Variants in DACH1 observed in about 807,000 individuals in gnomAD.
The protein encoded by DACH1 is dachshund family transcription factor 1.
A neutral mutation model predicts 54.2 loss-of-function variants in DACH1; 12 were observed. The ratio of observed to expected loss-of-function variants is 0.22; its 90% CI spans 0.14 to 0.36. DACH1 has a LOEUF of 0.36. Among genes scored for constraint, DACH1 ranks in the 10% least tolerant of loss-of-function variants. DACH1 has a pLI of 1.00. For missense variants in DACH1, 805 were observed against 929.8 expected, an observed-to-expected ratio of 0.87 and a Z score of 1.75; for synonymous variants, 386 against 366.2, an observed-to-expected ratio of 1.05 and a Z score of -0.62.
intron 1 of DACH1, among the ~76,000 whole-genome samples, chr13:71,763,004 A>G (rs1339238467): frequency 6.6e-6 from 1 of 152,144 alleles, no homozygotes; most frequent in African/African-American, 2.4e-5. Flanking sequence ...ATGACACCAT[A>G]TATTGGAATA....
rs772044850 is a variant in DACH1 at position 71,470,248 on chromosome 13, C to T, written c.2083+4893G>A. Among the ~76,000 whole-genome samples, 6 of 151,612 alleles carry T rather than the reference C, an allele frequency of 4.0e-5. No individual in the cohort carries two copies. The South Asian group carries it at 1.2e-3, about 31-fold the overall frequency. Reference sequence around the variant, plus strand: ...GTTAAAAATGCAAACGAAGAATAAACACATCCTGTTAATTCAGCTATTGCA... The same window carrying T: ...GTTAAAAATGCAAACGAAGAATAAATACATCCTGTTAATTCAGCTATTGCA... On this transcript the variant is annotated intron_variant, in intron 10 of 10. Transcript: ENST00000613252.
chr13:71,473,805 C>T (rs960481825), intron 10 of DACH1, among the ~76,000 whole-genome samples: 17 of 152,048 alleles, frequency 1.1e-4, no homozygotes, highest in African/African-American at 3.6e-4. Context: ...TTATCTAATG[C>T]GTGAATAGCC....
intron 3 of DACH1, among the ~76,000 whole-genome samples, chr13:71,612,546 A>C (rs1370224024): frequency 2.6e-5 from 4 of 152,174 alleles, no homozygotes; most frequent in African/African-American, 9.7e-5. Context: ...GAGTCCAAAC[A>C]GTAGACCCTG....
At chr13:71,614,217 T>C (rs1020554713) in intron 3 of DACH1, among the ~76,000 whole-genome samples, 3 of 152,170 alleles carry the variant, frequency 2.0e-5, no homozygotes, top group Non-Finnish European at 4.4e-5. Context: ...AATTTAACCA[T>C]TGGACTGCAT....
At chr13:71,684,796 T>C (rs1219408809) in intron 1 of DACH1, among the ~76,000 whole-genome samples, 1 of 152,136 alleles carries the variant, frequency 6.6e-6, no homozygotes, top group Non-Finnish European at 1.5e-5. Flanking sequence ...ATAATAATAA[T>C]AACCCTATTC....
chr13:71,848,710 G>T (rs773268598), intron 1 of DACH1, among the ~76,000 whole-genome samples: 10 of 151,876 alleles, frequency 6.6e-5, no homozygotes, highest in Non-Finnish European at 1.3e-4. Flanking sequence ...TTGTACAGAT[G>T]GGGGGGTTCT....
intron 3 of DACH1, among the ~76,000 whole-genome samples, chr13:71,608,753 C>G (rs903219759): frequency 1.3e-5 from 2 of 152,022 alleles, no homozygotes; most frequent in African/African-American, 4.8e-5. Flanking sequence ...TTGAGTATGG[C>G]AAATTCATTC....
chr13:71,448,663 G>C (rs1196945427), intron 10 of DACH1, among the ~76,000 whole-genome samples: 1 of 152,120 alleles, frequency 6.6e-6, no homozygotes, highest in South Asian at 2.1e-4. Context: ...TTCTGCACAG[G>C]CCCATTTATA....
At chr13:71,486,812 TTATCTATCTATC>T (rs4053561) in intron 7 of DACH1, among the ~76,000 whole-genome samples, 3,483 of 41,574 alleles carry the variant, frequency 0.084, 42 homozygotes, top group Non-Finnish European at 0.18. Context: ...ATTTATTTAT[TTATCTATCTATC>T]TATCTATCTA....
At chr13:71,770,190 T>C (rs1885796707) in intron 1 of DACH1, among the ~76,000 whole-genome samples, 1 of 151,732 alleles carries the variant, frequency 6.6e-6, no homozygotes, top group Non-Finnish European at 1.5e-5. Context: ...GCACTTTCAT[T>C]ACAAGGCCTG....
At chr13:71,511,102 A>G (rs911244300) in intron 6 of DACH1, among the ~76,000 whole-genome samples, 2 of 152,058 alleles carry the variant, frequency 1.3e-5, no homozygotes, top group Non-Finnish European at 2.9e-5. Context: ...TGTAGGAGCA[A>G]TGCTAACAGT....
chr13:71,501,923 A>G (rs1024317752), intron 6 of DACH1, among the ~76,000 whole-genome samples: 2 of 152,164 alleles, frequency 1.3e-5, no homozygotes, highest in Non-Finnish European at 2.9e-5. Context: ...ATGTAGAGGT[A>G]AAAGAAGTTA....
chr13:71,495,762 G>A (rs1879355115), intron 6 of DACH1, among the ~76,000 whole-genome samples: 1 of 151,974 alleles, frequency 6.6e-6, no homozygotes, highest in Non-Finnish European at 1.5e-5. Flanking sequence ...ATTTCTCAAA[G>A]AACTAAAAAG....
At chr13:71,455,079 T>G (rs574102275) in intron 10 of DACH1, among the ~76,000 whole-genome samples, 18 of 152,214 alleles carry the variant, frequency 1.2e-4, no homozygotes, top group Non-Finnish European at 1.9e-4. Flanking sequence ...TGATTTCTCC[T>G]AGGAGCCTGC....
intron 2 of DACH1, among the ~76,000 whole-genome samples, chr13:71,676,321 G>A (rs528331360): frequency 4.6e-4 from 70 of 152,166 alleles, no homozygotes; most frequent in East Asian, 5.8e-4. Context: ...GAGTTCAGGC[G>A]ATTCTCCTGC....
chr13:71,790,618 G>A (rs1886794382), intron 1 of DACH1, among the ~76,000 whole-genome samples: 2 of 152,156 alleles, frequency 1.3e-5, no homozygotes, highest in African/African-American at 4.8e-5. Context: ...GTAGTATAAT[G>A]AGAGCTACCA....
At chr13:71,749,365 A>T (rs1020444875) in intron 1 of DACH1, among the ~76,000 whole-genome samples, 2 of 152,122 alleles carry the variant, frequency 1.3e-5, no homozygotes, top group African/African-American at 4.8e-5. Flanking sequence ...TTGCCTAAAA[A>T]TATCCAATGA....
chr13:71,849,128 T>G (rs182243603), intron 1 of DACH1, among the ~76,000 whole-genome samples: 5,432 of 152,264 alleles, frequency 0.036, 315 homozygotes, highest in African/African-American at 0.12. Flanking sequence ...GATATTTTTG[T>G]GGGAAACATT....
intron 2 of DACH1, among the ~76,000 whole-genome samples, chr13:71,632,361 C>T (rs191798826): frequency 1.6e-3 from 248 of 151,748 alleles, no homozygotes; most frequent in African/African-American, 4.8e-3. Context: ...TAAATGATCT[C>T]TCCTAATTCT....
Sources: gnomAD v4.1 joint callset for allele counts (sites outside exome capture counted in the v4.1 genomes callset) on GRCh38, gnomAD v4.1.1 for gene constraint, MANE v1.5 for transcripts, NCBI Gene and HGNC (gene_info 2026-07-23, HGNC 2026-07-21) for gene names.